The following ZRANB3 variants were observed in gnomAD, a reference collection of about 807,000 sequenced individuals.
The protein encoded by ZRANB3 is zinc finger RANBP2-type containing 3, also known as DNA annealing helicase and endonuclease ZRANB3.
In ZRANB3, 125 loss-of-function variants were observed where a neutral mutation model predicts 133.8. The ratio of observed to expected loss-of-function variants is 0.93; its 90% CI spans 0.81 to 1.08. The LOEUF (loss-of-function observed/expected upper bound fraction) is 1.08, where lower values mean the gene tolerates loss of function less well. Among genes scored for constraint, ZRANB3 ranks in the 50% least tolerant of loss-of-function variants. The pLI is 0.00. For missense variants in ZRANB3, 1,229 were observed against 1,275.5 expected, an observed-to-expected ratio of 0.96 and a Z score of 0.56; for synonymous variants, 387 against 432.7, an observed-to-expected ratio of 0.89 and a Z score of 1.31.
At chr2:135,288,608 T>C (rs1041431001) in intron 8 of ZRANB3, among the ~76,000 whole-genome samples, 1 of 152,234 alleles carries the variant, frequency 6.6e-6, no homozygotes, top group Non-Finnish European at 1.5e-5. Context: ...GTTCAGAGTC[T>C]CTATTTCTTC....
chr2:135,401,525 A>T (rs1687730481), intron 2 of ZRANB3, among the ~76,000 whole-genome samples: 1 of 152,110 alleles, frequency 6.6e-6, no homozygotes, highest in Non-Finnish European at 1.5e-5. Flanking sequence ...CTCCTTTTCC[A>T]ATCTCTTTTT....
At chr2:135,275,029 A>G in intron 9 of ZRANB3, among the ~76,000 whole-genome samples, 1 of 152,246 alleles carries the variant, frequency 6.6e-6, no homozygotes, top group East Asian at 1.9e-4. Context: ...ACTTCTTTCT[A>G]CACAGACACA....
intron 10 of ZRANB3, among the ~76,000 whole-genome samples, chr2:135,269,956 CA>C: frequency 6.6e-6 from 1 of 152,198 alleles, no homozygotes; most frequent in South Asian, 2.1e-4. Flanking sequence ...TCATATGCAC[CA>C]AACTCCTATG....
At chr2:135,206,250 T>A (rs940437632) in intron 19 of ZRANB3, among the ~76,000 whole-genome samples, 1 of 152,068 alleles carries the variant, frequency 6.6e-6, no homozygotes, top group Non-Finnish European at 1.5e-5. Flanking sequence ...TACTTTTTTT[T>A]TTTTTTGGAG....
chr2:135,493,930 T>C (rs747718095), intron 2 of ZRANB3, among the ~76,000 whole-genome samples: 3 of 152,060 alleles, frequency 2.0e-5, no homozygotes, highest in Non-Finnish European at 4.4e-5. Flanking sequence ...TAAAACAACA[T>C]AGATGAAATT....
intron 5 of ZRANB3, among the ~76,000 whole-genome samples, chr2:135,346,183 G>A (rs142251435): frequency 0.011 from 1,602 of 152,230 alleles, 26 homozygotes; most frequent in Middle Eastern, 0.055. Context: ...TGCAAGCTCC[G>A]CCTCCAGAGT....
intron 2 of ZRANB3, among the ~76,000 whole-genome samples, chr2:135,391,779 C>T (rs1272287837): frequency 1.3e-5 from 2 of 152,030 alleles, no homozygotes; most frequent in East Asian, 1.9e-4. Flanking sequence ...CGGGGTTTCA[C>T]CGTGTTAGCT....
chr2:135,329,233 TG>T (rs1684007271), intron 6 of ZRANB3, among the ~76,000 whole-genome samples: 1 of 152,232 alleles, frequency 6.6e-6, no homozygotes, highest in Non-Finnish European at 1.5e-5. Flanking sequence ...AATTAATTTT[TG>T]TATAAGGTGT....
At chr2:135,382,666 A>G (rs1377473166) in intron 3 of ZRANB3, among the ~76,000 whole-genome samples, 1 of 152,206 alleles carries the variant, frequency 6.6e-6, no homozygotes, top group Non-Finnish European at 1.5e-5. Flanking sequence ...ACAAGCCAGA[A>G]GAGACTGGGG....
chr2:135,477,453 G>T (rs1278561914), intron 2 of ZRANB3, among the ~76,000 whole-genome samples: 1 of 152,178 alleles, frequency 6.6e-6, no homozygotes, highest in Non-Finnish European at 1.5e-5. Flanking sequence ...GGAAGGTCTG[G>T]TAGTAGCTGG....
chr2:135,475,279 T>C (rs1427460723), intron 2 of ZRANB3, among the ~76,000 whole-genome samples: 1 of 152,182 alleles, frequency 6.6e-6, no homozygotes, highest in Non-Finnish European at 1.5e-5. Flanking sequence ...CACTTAACAT[T>C]GGGGTCCCAT....
intron 15 of ZRANB3, among the ~76,000 whole-genome samples, chr2:135,222,508 T>C (rs549874224): frequency 1.3e-5 from 2 of 152,062 alleles, no homozygotes; most frequent in Non-Finnish European, 2.9e-5. Context: ...CAGAAAGTCA[T>C]AAGTGTTTTC....
chr2:135,273,547 T>G (rs1475690137), intron 9 of ZRANB3, among the ~76,000 whole-genome samples: 1 of 152,130 alleles, frequency 6.6e-6, no homozygotes, highest in Non-Finnish European at 1.5e-5. Context: ...ACATTTTTTT[T>G]TTTTTGAGAC....
chr2:135,314,345 A>G (rs1683152281), intron 7 of ZRANB3, among the ~76,000 whole-genome samples: 1 of 152,210 alleles, frequency 6.6e-6, no homozygotes, highest in South Asian at 2.1e-4. Context: ...TGTTGATTCC[A>G]TTTTATTTTT....
intron 2 of ZRANB3, among the ~76,000 whole-genome samples, chr2:135,441,552 A>G (rs1369111364): frequency 3.9e-5 from 6 of 151,992 alleles, no homozygotes; most frequent in Non-Finnish European, 7.4e-5. Flanking sequence ...ATGCATACAC[A>G]TATTTTTCTT....
chr2:135,446,838 G>A (rs927276639), intron 2 of ZRANB3, among the ~76,000 whole-genome samples: 1 of 152,158 alleles, frequency 6.6e-6, no homozygotes, highest in East Asian at 1.9e-4. Flanking sequence ...AGTAGAAAAG[G>A]TGTGAGCTGG....
In ZRANB3 at chr2:135,227,729, T is replaced by C. The variant is rs368115421; in HGVS notation, c.2158+83A>G. ...AGAGTAAAAGGAACCTGGAACAAGGTAGTAATTACTAATCTAATAACAGTA... is the reference window on the plus strand; with the variant it reads ...AGAGTAAAAGGAACCTGGAACAAGGCAGTAATTACTAATCTAATAACAGTA... On this transcript the variant is annotated intron_variant, in intron 14 of 20. Transcript: ENST00000264159. 357 of 1,347,496 alleles carry C rather than the reference T, an allele frequency of 2.6e-4. 4 individuals carry two copies. In the South Asian group the frequency reaches 4.1e-3, roughly 16 times the overall value. 83.5% of individuals were successfully genotyped at this position (1,347,496 alleles called of 1,614,324 possible).
At chr2:135,472,858 C>T (rs1190853586) in intron 2 of ZRANB3, among the ~76,000 whole-genome samples, 1 of 152,116 alleles carries the variant, frequency 6.6e-6, no homozygotes, top group African/African-American at 2.4e-5. Context: ...GGTTCATTTA[C>T]AGGTAAAGGA....
chr2:135,249,922 C>G (rs1462953938), intron 12 of ZRANB3, among the ~76,000 whole-genome samples: 1 of 152,086 alleles, frequency 6.6e-6, no homozygotes, highest in African/African-American at 2.4e-5. Flanking sequence ...GCGTTGCTGA[C>G]AAGATACCTG....
Sources: allele counts gnomAD v4.1 joint callset (sites outside exome capture counted in the v4.1 genomes callset), GRCh38; gene constraint gnomAD v4.1.1; transcripts MANE v1.5; gene names NCBI Gene and HGNC (gene_info 2026-07-23, HGNC 2026-07-21).